Variants in PCDH15 observed in about 807,000 individuals in gnomAD.
The protein encoded by PCDH15 is protocadherin-15.
Under a neutral mutation model 178.5 loss-of-function variants are expected in PCDH15, and 129 were observed. The observed-to-expected ratio is 0.72, with a 90% CI of 0.63 to 0.84. The LOEUF (loss-of-function observed/expected upper bound fraction) is 0.84. Ranked by LOEUF, PCDH15 falls within the 40% of genes least tolerant of loss-of-function variation. PCDH15 has a pLI of 0.00. For missense variants in PCDH15, 2,230 were observed against 2,099.9 expected, an observed-to-expected ratio of 1.06 and a Z score of -1.21; for synonymous variants, 800 against 732.0, an observed-to-expected ratio of 1.09 and a Z score of -1.50.
At chr10:54,343,806 A>T (rs1208516905) in intron 6 of PCDH15, among the ~76,000 whole-genome samples, 1 of 152,040 alleles carries the variant, frequency 6.6e-6, no homozygotes. Context: ...AATAAAAAAT[A>T]AAAAATAAAA....
chr10:54,858,653 A>C (rs1174029191), intron 3 of PCDH15, among the ~76,000 whole-genome samples: 3 of 152,078 alleles, frequency 2.0e-5, no homozygotes, highest in East Asian at 3.9e-4. Context: ...TATAATCTTC[A>C]CATTGATAGC....
intron 26 of PCDH15, among the ~76,000 whole-genome samples, chr10:53,869,373 C>A (rs1430101667): frequency 2.6e-5 from 4 of 152,084 alleles, no homozygotes; most frequent in Non-Finnish European, 5.9e-5. Context: ...GGCATATTCC[C>A]AGCTAAAATA....
chr10:55,055,501 C>T (rs1841274885), intron 2 of PCDH15, among the ~76,000 whole-genome samples: 1 of 152,076 alleles, frequency 6.6e-6, no homozygotes, highest in African/African-American at 2.4e-5. Context: ...TAATACTCTT[C>T]TTGCGTGAAA....
At chr10:55,295,545 A>G (rs1460367811) in intron 1 of PCDH15, among the ~76,000 whole-genome samples, 1 of 152,182 alleles carries the variant, frequency 6.6e-6, no homozygotes, top group Non-Finnish European at 1.5e-5. Flanking sequence ...GGAGAAGGAA[A>G]TCTTTTGTAT....
In PCDH15 at chr10:53,806,778, G is replaced by T; in HGVS notation, c.5024C>A (p.Pro1675His). Reference protein sequence around the residue: ...NARPTLVTFAPCPVGTDNTAV... With the variant: ...NARPTLVTFAHCPVGTDNTAV... ...TGTATTGTCAGTCCCCACAGGGCAA[G>T]GGGCAAATGTAACCAGAGTTGGTCT... The change falls in exon 38 of 38, where the codon CCT becomes CAT. Residue 1675 changes from proline (P) to histidine (H), a missense_variant. Pro to His is a moderately conservative substitution (Grantham distance 77). Transcript: ENST00000644397. 6.2e-7 allele frequency: 1 copy of T among 1,613,754 alleles called. No individual in the cohort carries two copies. The highest frequency in any genetic ancestry group is 8.5e-7 in the Non-Finnish European group (1 of 1,179,802).
chr10:54,912,501 G>A (rs1232950968), intron 2 of PCDH15, among the ~76,000 whole-genome samples: 4 of 152,120 alleles, frequency 2.6e-5, no homozygotes, highest in Non-Finnish European at 5.9e-5. Context: ...CTTCCACCAT[G>A]ATTGTAAGTT....
chr10:54,933,363 G>C (rs1048745584), intron 2 of PCDH15, among the ~76,000 whole-genome samples: 8 of 152,046 alleles, frequency 5.3e-5, no homozygotes, highest in Non-Finnish European at 1.2e-4. Context: ...GTTTTATATT[G>C]TTTCTTGGGT....
At chr10:54,387,574 G>A (rs1416790864) in intron 3 of PCDH15, among the ~76,000 whole-genome samples, 1 of 152,076 alleles carries the variant, frequency 6.6e-6, no homozygotes, top group Non-Finnish European at 1.5e-5. Context: ...CTGAAAGTTT[G>A]AAATTTACCA....
At chr10:55,501,379 T>C (rs951301897) in intron 2 of PCDH15, among the ~76,000 whole-genome samples, 8 of 151,746 alleles carry the variant, frequency 5.3e-5, no homozygotes, top group Non-Finnish European at 4.4e-5. Flanking sequence ...CCTAGGAAAC[T>C]AATAAAATTA....
chr10:54,342,016 T>A (rs533786338), intron 6 of PCDH15, among the ~76,000 whole-genome samples: 3 of 152,208 alleles, frequency 2.0e-5, no homozygotes, highest in Non-Finnish European at 4.4e-5. Context: ...CTGGAACTTA[T>A]GTTTAAAAGG....
chr10:55,260,722 T>G (rs1006465265), intron 1 of PCDH15, among the ~76,000 whole-genome samples: 1 of 152,216 alleles, frequency 6.6e-6, no homozygotes, highest in African/African-American at 2.4e-5. Context: ...GTATGCCATA[T>G]TTGCATTTAA....
chr10:55,571,859 A>T (rs1479679876), intron 2 of PCDH15, among the ~76,000 whole-genome samples: 1 of 152,114 alleles, frequency 6.6e-6, no homozygotes, highest in Non-Finnish European at 1.5e-5. Flanking sequence ...CTTGAAATTT[A>T]TACTTTATCA....
intron 3 of PCDH15, among the ~76,000 whole-genome samples, chr10:54,506,055 A>G (rs776618092): frequency 3.7e-4 from 57 of 152,120 alleles, no homozygotes; most frequent in Non-Finnish European, 7.1e-4. Context: ...ATATTGTTAG[A>G]TATTTTTCAC....
intron 1 of PCDH15, among the ~76,000 whole-genome samples, chr10:55,196,491 G>C (rs2799037): frequency 0.99 from 151,228 of 152,016 alleles, 75,236 homozygotes; most frequent in East Asian, 1. Context: ...TTAGTTCATG[G>C]CCTAATGAAT....
Position 54,727,529 on chromosome 10 carries a change from C to T in PCDH15, c.-28-63239G>A, listed in dbSNP as rs564644815. Among the ~76,000 whole-genome samples the T allele has an allele frequency of 3.3e-5, 5 of 151,220 alleles. No individual in the cohort carries two copies. In the South Asian group the frequency reaches 8.3e-4, roughly 25 times the overall value. ...CACTAACAACCTAACACCACACTGA[C>T]AGGAACTAGAATAACAAGAGCAAAC... On this transcript the variant is annotated intron_variant, in intron 1 of 37. Coordinates refer to ENST00000644397, the MANE Select transcript of PCDH15 (RefSeq NM_001384140.1).
intron 23 of PCDH15, among the ~76,000 whole-genome samples, chr10:53,943,742 CTT>C (rs2086282062): frequency 6.6e-6 from 1 of 152,008 alleles, no homozygotes; most frequent in South Asian, 2.1e-4. Context: ...CCTCATTAAC[CTT>C]TGTCTTAATT....
chr10:55,346,324 A>G (rs564142909), intron 2 of PCDH15, among the ~76,000 whole-genome samples: 1 of 152,310 alleles, frequency 6.6e-6, no homozygotes, highest in South Asian at 2.1e-4. Context: ...TTTATCCAAA[A>G]TTATGTCTGA....
chr10:54,559,850 TAAAAAAAAA>T (rs80250003), intron 2 of PCDH15, among the ~76,000 whole-genome samples: 12 of 73,102 alleles, frequency 1.6e-4, no homozygotes, highest in African/African-American at 5.1e-4. Flanking sequence ...TGTCTTATAG[TAAAAAAAAA>T]AAAAAAAAAA....
At chr10:55,608,704 T>C (rs1240053894) in intron 2 of PCDH15, among the ~76,000 whole-genome samples, 1 of 151,834 alleles carries the variant, frequency 6.6e-6, no homozygotes. Flanking sequence ...GTCTCAAATA[T>C]ACCTCCCTGA....
Sources: allele counts gnomAD v4.1 joint callset (sites outside exome capture counted in the v4.1 genomes callset), GRCh38; gene constraint gnomAD v4.1.1; transcripts MANE v1.5; gene names NCBI Gene and HGNC (gene_info 2026-07-23, HGNC 2026-07-21).